The following TLN2 variants were observed in gnomAD, a reference collection of about 807,000 sequenced individuals.
TLN2 encodes talin 2, also known as talin-2.
A neutral mutation model predicts 294.7 loss-of-function variants in TLN2; 118 were observed. That is an observed-to-expected ratio of 0.40 (90% confidence interval 0.34 to 0.47). TLN2 has a LOEUF of 0.47. Ranked by LOEUF, TLN2 falls within the 20% of genes least tolerant of loss-of-function variation. TLN2 has a pLI of 0.84. For synonymous variants in TLN2, 1,431 were observed against 1,304.5 expected, an observed-to-expected ratio of 1.10 and a Z score of -2.09; for missense variants, 3,083 against 3,282.2, an observed-to-expected ratio of 0.94 and a Z score of 1.48.
intron 1 of TLN2, among the ~76,000 whole-genome samples, chr15:62,548,741 G>A (rs1329843786): frequency 6.6e-6 from 1 of 152,216 alleles, no homozygotes; most frequent in African/African-American, 2.4e-5. Flanking sequence ...AACCTCTGGA[G>A]CTAAGTTTGG....
chr15:62,748,972 G>A (rs1389909117), intron 33 of TLN2, among the ~76,000 whole-genome samples: 1 of 152,258 alleles, frequency 6.6e-6, no homozygotes, highest in Non-Finnish European at 1.5e-5. Flanking sequence ...CCAGAACACA[G>A]TGTGGGTGCT....
chr15:62,822,849 A>G (rs2067692151), intron 54 of TLN2, among the ~76,000 whole-genome samples: 1 of 152,236 alleles, frequency 6.6e-6, no homozygotes, highest in South Asian at 2.1e-4. Flanking sequence ...TCACAGATGA[A>G]GAAAATAAGT....
intron 3 of TLN2, among the ~76,000 whole-genome samples, chr15:62,643,405 A>ATTTTTTTTTTTTTTTTTTTTTTTTTTTT (rs571288380): frequency 2.2e-5 from 2 of 90,742 alleles, no homozygotes; most frequent in African/African-American, 1.1e-4. Flanking sequence ...TGGTTCCAGG[A>ATTTTTTTTTTTTTTTTTTTTTTTTTTTT]TTTTTTTTTT....
Position 62,792,761 on chromosome 15 carries a change from G to A in TLN2, c.5857G>A (p.Glu1953Lys), listed in dbSNP as rs775063929. The A allele has an allele frequency of 5.6e-6, 9 of 1,613,918 alleles. No individual in the cohort carries two copies. The highest frequency in any genetic ancestry group is 1.1e-5 in the South Asian group (1 of 91,074). The change falls in exon 46 of 59, where the codon GAA becomes AAA. Residue 1953 changes from glutamate to lysine, a missense_variant. Transcript: ENST00000636159. ...CAGCTACACCAAGAGGGAGCTGATC[G>A]AATGCGCCCGTGCCGTCACGGAAAA... ...TDSYTKRELI[E>K]CARAVTEKVS...
intron 22 of TLN2, among the ~76,000 whole-genome samples, chr15:62,713,608 G>A (rs970365617): frequency 1.9e-4 from 29 of 152,076 alleles, no homozygotes; most frequent in African/African-American, 7.0e-4. Flanking sequence ...GAACCTGGGA[G>A]CCAGAGGTTG....
chr15:62,426,517 C>T (rs2034718391), intron 1 of TLN2, among the ~76,000 whole-genome samples: 1 of 152,126 alleles, frequency 6.6e-6, no homozygotes, highest in Non-Finnish European at 1.5e-5. Flanking sequence ...TGGACAAGAG[C>T]CTTTTAGACC....
rs552385949 is a variant in TLN2, at chr15:62,536,463, A to G, written c.-237-53224A>G. ...ATTTTTGAAAAGAAGGAATCCAAGAACAGGACTAATTAGTACATATTGATT... is the reference window on the plus strand; with the variant it reads ...ATTTTTGAAAAGAAGGAATCCAAGAGCAGGACTAATTAGTACATATTGATT... On this transcript the variant is annotated intron_variant, in intron 1 of 58. Transcript: ENST00000636159. Among the ~76,000 whole-genome samples, 51 of 152,346 alleles carry G rather than the reference A, an allele frequency of 3.3e-4. 1 individual carries two copies. In the South Asian group the frequency reaches 8.5e-3, roughly 25 times the overall value.
intron 1 of TLN2, among the ~76,000 whole-genome samples, chr15:62,423,372 AAAAACAAAAC>A (rs771263523): frequency 2.0e-5 from 3 of 152,068 alleles, no homozygotes; most frequent in African/African-American, 7.2e-5. Flanking sequence ...CCCTTTTTTA[AAAAACAAAAC>A]AAAACAAAAC....
At chr15:62,510,711 C>G (rs556269627) in intron 1 of TLN2, among the ~76,000 whole-genome samples, 1 of 152,318 alleles carries the variant, frequency 6.6e-6, no homozygotes, top group African/African-American at 2.4e-5. Flanking sequence ...GCAGGAGAGA[C>G]AGTGAGTGCC....
At position 62,724,558 on chromosome 15, in the gene TLN2, G is replaced by T. The variant is rs182229122; in HGVS notation, c.3127-418G>T. Among the ~76,000 whole-genome samples the T allele has an allele frequency of 2.5e-3, 388 of 152,296 alleles. 2 individuals carry two copies. The highest frequency in any genetic ancestry group is 0.02 in the Middle Eastern group (6 of 294). ...ATTTGTAAAGAGAAGCAATAAAGTT[G>T]ACATAGACTTGCCCCCAGAGTCCTG... On this transcript the variant is annotated intron_variant, in intron 26 of 58. Coordinates refer to ENST00000636159, the MANE Select transcript of TLN2 (RefSeq NM_015059.3).
chr15:62,702,204 A>T lies in TLN2; in HGVS notation c.1905+4A>T, dbSNP rs780278288. ...TGTGCAGCCTACTTCTGGAGAGGTA[A>T]GCTCCAGAGGCAAGCAATCACTCAG... On this transcript the variant is annotated splice_donor_region_variant and intron_variant, in intron 18 of 58. Transcript: ENST00000636159. 2.4e-5 allele frequency: 38 copies of T among 1,581,916 alleles called. No individual in the cohort carries two copies. The highest frequency in any genetic ancestry group is 3.3e-5 in the Non-Finnish European group (38 of 1,162,482).
chr15:62,512,937 A>C (rs2040005415), intron 1 of TLN2, among the ~76,000 whole-genome samples: 1 of 152,144 alleles, frequency 6.6e-6, no homozygotes, highest in Non-Finnish European at 1.5e-5. Flanking sequence ...CTCTTCCAGC[A>C]CTTATTTCTT....
At chr15:62,838,713 G>T in intron 57 of TLN2, 143 bp from the exon 58 acceptor site, 1 of 1,065,058 alleles carries the variant, frequency 9.4e-7, no homozygotes, top group East Asian at 2.7e-5. Flanking sequence ...CAGACAGATG[G>T]GTACTCTCTG....
In TLN2 at chr15:62,708,605, C is replaced by T. The variant is rs761590199; in HGVS notation, c.2276C>T (p.Ala759Val). The change falls in exon 21 of 59, where the codon GCG becomes GTG. Residue 759 changes from alanine to valine, a missense_variant. Physicochemically the swap from Ala to Val is moderately conservative, Grantham distance 64. Coordinates refer to ENST00000636159, the MANE Select transcript of TLN2 (RefSeq NM_015059.3). ...GAGAACTGTGTCCGTGCCTGCCAGG[C>T]GGCCACTACCGATAGTGAGCTCCTG... ...SVENCVRACQ[A>V]ATTDSELLKQ... 5.0e-6 allele frequency: 8 copies of T among 1,614,066 alleles called. No homozygotes were observed. Among genetic ancestry groups the T allele is most frequent in the South Asian group, 4.4e-5 (4 of 91,088 alleles).
At chr15:62,666,757 C>T (rs1317116405) in intron 9 of TLN2, among the ~76,000 whole-genome samples, 1 of 152,180 alleles carries the variant, frequency 6.6e-6, no homozygotes, top group Non-Finnish European at 1.5e-5. Context: ...TTAACTGCTA[C>T]ACTCAGTTGC....
At chr15:62,544,552 C>T (rs1037243537) in intron 1 of TLN2, among the ~76,000 whole-genome samples, 3 of 152,136 alleles carry the variant, frequency 2.0e-5, no homozygotes, top group African/African-American at 7.2e-5. Flanking sequence ...AGACAGATTC[C>T]ATAGTCTTTT....
chr15:62,640,386 A>G (rs1450764881), intron 3 of TLN2: 1 of 456,196 alleles, frequency 2.2e-6, no homozygotes, highest in South Asian at 1.5e-5. Context: ...GAAGAGGGGG[A>G]CGGTGGCCAG....
At chr15:62,823,821 G>T (rs1406862964) in intron 54 of TLN2, 1 of 401,374 alleles carries the variant, frequency 2.5e-6, no homozygotes, top group African/African-American at 2.2e-5. Context: ...TGTTAATGGC[G>T]CCGTTTCCAC....
chr15:62,792,587 C>T lies in TLN2; in HGVS notation c.5737-54C>T, dbSNP rs542010542. The T allele has an allele frequency of 5.8e-5, 92 of 1,588,396 alleles. 1 individual carries two copies. In the Middle Eastern group the frequency reaches 1.5e-3, roughly 26 times the overall value. ...GAAATTTTCCACGTAGGGAAGGCCT[C>T]GATGGCAGAGTCCATCACGCTTCTC... On this transcript the variant is annotated intron_variant, in intron 45 of 58. Coordinates refer to ENST00000636159, the MANE Select transcript of TLN2 (RefSeq NM_015059.3).
Sources: allele counts gnomAD v4.1 joint callset (sites outside exome capture counted in the v4.1 genomes callset), GRCh38; gene constraint gnomAD v4.1.1; transcripts MANE v1.5; gene names NCBI Gene and HGNC (gene_info 2026-07-23, HGNC 2026-07-21).